The following PCDH15 variants were observed in gnomAD, a reference collection of about 807,000 sequenced individuals.
PCDH15 encodes the protein protocadherin related 15, also known as protocadherin-15.
A neutral mutation model predicts 178.5 loss-of-function variants in PCDH15; 129 were observed. That is an observed-to-expected ratio of 0.72 (90% CI 0.63 to 0.84). The LOEUF (loss-of-function observed/expected upper bound fraction) is 0.84. Ranked by LOEUF, PCDH15 falls within the 40% of genes least tolerant of loss-of-function variation. PCDH15 has a pLI of 0.00. For synonymous variants in PCDH15, 800 were observed against 732.0 expected, an observed-to-expected ratio of 1.09 and a Z score of -1.50; for missense variants, 2,230 against 2,099.9, an observed-to-expected ratio of 1.06 and a Z score of -1.21.
chr10:54,852,428 G>A (rs1224247310), intron 3 of PCDH15, among the ~76,000 whole-genome samples: 1 of 152,102 alleles, frequency 6.6e-6, no homozygotes, highest in Non-Finnish European at 1.5e-5. Flanking sequence ...AGATTATGGA[G>A]GATGTGACAT....
intron 1 of PCDH15, among the ~76,000 whole-genome samples, chr10:55,249,961 GA>G (rs535384794): frequency 2.0e-5 from 3 of 151,392 alleles, no homozygotes; most frequent in Non-Finnish European, 4.4e-5. Context: ...ATGATCTCTA[GA>G]AAAAAAATCA....
chr10:54,486,441 C>T (rs1292521735), intron 3 of PCDH15: 1 of 151,894 alleles, frequency 6.6e-6, no homozygotes, highest in Non-Finnish European at 1.5e-5. Context: ...CTTTTTGAAT[C>T]ACATTTGTAC....
chr10:54,662,338 A>G (rs2094504395), intron 2 of PCDH15, among the ~76,000 whole-genome samples: 1 of 151,964 alleles, frequency 6.6e-6, no homozygotes, highest in African/African-American at 2.4e-5. Flanking sequence ...TGCAAGTTAC[A>G]ACAAAAATGA....
intron 3 of PCDH15, among the ~76,000 whole-genome samples, chr10:54,438,710 G>A (rs2075601661): frequency 6.6e-6 from 1 of 152,040 alleles, no homozygotes; most frequent in South Asian, 2.1e-4. Flanking sequence ...TTCCATTGCA[G>A]GATGGGTGCA....
intron 13 of PCDH15, among the ~76,000 whole-genome samples, chr10:54,182,662 C>A (rs1214008189): frequency 1.3e-5 from 2 of 152,014 alleles, no homozygotes; most frequent in Non-Finnish European, 2.9e-5. Flanking sequence ...CTTAAATTTT[C>A]TCTGCTGTAA....
intron 3 of PCDH15, among the ~76,000 whole-genome samples, chr10:54,386,419 T>G (rs997468910): frequency 1.3e-5 from 2 of 152,064 alleles, no homozygotes; most frequent in Non-Finnish European, 2.9e-5. Flanking sequence ...TGCAGTGTAT[T>G]TAAGAAAGAG....
At chr10:54,695,775 A>G (rs1227717605) in intron 1 of PCDH15, among the ~76,000 whole-genome samples, 2 of 152,100 alleles carry the variant, frequency 1.3e-5, no homozygotes, top group East Asian at 1.9e-4. Flanking sequence ...TATGAATGGA[A>G]TAACAAAGCC....
At chr10:54,333,454 A>G (rs564816740) in intron 6 of PCDH15, among the ~76,000 whole-genome samples, 4 of 152,028 alleles carry the variant, frequency 2.6e-5, no homozygotes, top group African/African-American at 7.2e-5. Context: ...TATCTTTGGT[A>G]TCTTTATGAT....
At chr10:54,436,680 G>T (rs1263922082) in intron 3 of PCDH15, among the ~76,000 whole-genome samples, 2 of 152,012 alleles carry the variant, frequency 1.3e-5, no homozygotes, top group Non-Finnish European at 2.9e-5. Flanking sequence ...CACCAAATAT[G>T]CTACAATTAA....
At chr10:54,522,462 T>A (rs2082978139) in intron 3 of PCDH15, among the ~76,000 whole-genome samples, 1 of 152,236 alleles carries the variant, frequency 6.6e-6, no homozygotes, top group Admixed American at 6.5e-5. Flanking sequence ...ATTCCCTGGA[T>A]GAATGCATGG....
intron 2 of PCDH15, among the ~76,000 whole-genome samples, chr10:55,399,749 TTCA>T (rs149872629): frequency 4.6e-5 from 7 of 152,268 alleles, no homozygotes; most frequent in Non-Finnish European, 7.4e-5. Flanking sequence ...AAATTGATTC[TTCA>T]TCATATCGGT....
chr10:55,499,706 G>A (rs188441040), intron 2 of PCDH15, among the ~76,000 whole-genome samples: 157 of 151,734 alleles, frequency 1.0e-3, no homozygotes, highest in Middle Eastern at 3.4e-3. Context: ...TAATTTGTAT[G>A]TCTGTTCAAT....
At position 55,021,840 on chromosome 10, in the gene PCDH15, G is replaced by A. The variant is rs1391143355; in HGVS notation, c.-79-124340C>T. 5.9e-5 allele frequency among the ~76,000 whole-genome samples: 9 copies of A among 151,314 alleles called. 1 individual carries two copies. Among genetic ancestry groups the A allele is most frequent in the Non-Finnish European group, 7.4e-5 (5 of 68,016 alleles). ...AAATGGGTCTGCATATTTGCTAACT[G>A]TTCTTTTATTATAGTAAATTTGTTT... On this transcript the variant is annotated intron_variant, in intron 2 of 5. Transcript: ENST00000458638.
intron 25 of PCDH15, among the ~76,000 whole-genome samples, chr10:53,904,075 T>C (rs1046583139): frequency 6.6e-6 from 1 of 152,152 alleles, no homozygotes; most frequent in Non-Finnish European, 1.5e-5. Context: ...CCTCAAATCA[T>C]CACACCTTTA....
chr10:54,642,079 T>C (rs1376937887), intron 2 of PCDH15, among the ~76,000 whole-genome samples: 2 of 151,840 alleles, frequency 1.3e-5, no homozygotes, highest in Non-Finnish European at 2.9e-5. Context: ...AACGTGATGG[T>C]ATAAGGAGGT....
chr10:54,023,564 A>G (rs2092993260), intron 18 of PCDH15, among the ~76,000 whole-genome samples: 1 of 148,350 alleles, frequency 6.7e-6, no homozygotes, highest in Middle Eastern at 3.6e-3. Flanking sequence ...GTGACAATTT[A>G]AGATTATGTA....
At chr10:54,146,839 G>A (rs1298916668) in intron 14 of PCDH15, among the ~76,000 whole-genome samples, 1 of 148,544 alleles carries the variant, frequency 6.7e-6, no homozygotes, top group African/African-American at 2.5e-5. Context: ...TACATGCCAT[G>A]GTTGCTGGCT....
chr10:55,228,075 C>T (rs901429965), intron 1 of PCDH15, among the ~76,000 whole-genome samples: 1 of 152,016 alleles, frequency 6.6e-6, no homozygotes, highest in Non-Finnish European at 1.5e-5. Flanking sequence ...GAAAATGCTT[C>T]ATGCACTGTA....
At chr10:54,744,696 A>G (rs1344530138) in intron 1 of PCDH15, among the ~76,000 whole-genome samples, 1 of 152,312 alleles carries the variant, frequency 6.6e-6, no homozygotes, top group Admixed American at 6.5e-5. Flanking sequence ...CAAAATTTAT[A>G]TAACAGAATT....
Sources: allele counts gnomAD v4.1 joint callset (sites outside exome capture counted in the v4.1 genomes callset), GRCh38; gene constraint gnomAD v4.1.1; transcripts MANE v1.5; gene names NCBI Gene and HGNC (gene_info 2026-07-23, HGNC 2026-07-21).